The following KBTBD12 variants were observed in gnomAD, a reference collection of about 807,000 sequenced individuals.
KBTBD12 encodes the protein kelch repeat and BTB domain-containing protein 12.
A neutral mutation model predicts 58.7 loss-of-function variants in KBTBD12; 53 were observed. The ratio of observed to expected loss-of-function variants is 0.90; its 90% CI spans 0.72 to 1.14. The LOEUF (loss-of-function observed/expected upper bound fraction) is 1.14. Ranked by LOEUF, KBTBD12 falls within the 50% of genes most tolerant of loss-of-function variation. The probability of loss-of-function intolerance (pLI) is 0.00; values close to 1 mark genes in which losing one functional copy is unlikely to be tolerated. For synonymous variants in KBTBD12, 236 were observed against 259.8 expected (o/e 0.91, Z 0.88); for missense variants, 704 against 751.3 (o/e 0.94, Z 0.74).
At chr3:127,970,127 A>G (rs1169765263) in intron 5 of KBTBD12, among the ~76,000 whole-genome samples, 3 of 152,206 alleles carry the variant, frequency 2.0e-5, no homozygotes, top group East Asian at 1.9e-4. Flanking sequence ...TTTTTAATGG[A>G]CAAAGGAACA....
chr3:127,929,156 A>G (rs774982747), intron 3 of KBTBD12, among the ~76,000 whole-genome samples: 76 of 152,198 alleles, frequency 5.0e-4, no homozygotes, highest in Admixed American at 9.8e-4. Context: ...CATAAAGTCA[A>G]CGTTTGTTAA....
intron 4 of KBTBD12, among the ~76,000 whole-genome samples, chr3:127,957,771 G>A (rs1047664131): frequency 6.6e-6 from 1 of 152,184 alleles, no homozygotes; most frequent in Non-Finnish European, 1.5e-5. Flanking sequence ...AAGTGTTGGG[G>A]ATACAGATGT....
chr3:127,966,943 A>T (rs1009168720), intron 5 of KBTBD12, among the ~76,000 whole-genome samples: 1 of 152,244 alleles, frequency 6.6e-6, no homozygotes, highest in Non-Finnish European at 1.5e-5. Flanking sequence ...AAACGAAGCA[A>T]ATGCTATCTA....
chr3:127,963,568 G>A (rs1940496792), intron 5 of KBTBD12, 182 bp downstream of exon 5: 3 of 575,662 alleles, frequency 5.2e-6, no homozygotes, highest in Non-Finnish European at 6.0e-6. Context: ...AAGTGAAGCT[G>A]GCACATCCAT....
chr3:127,971,026 T>C (rs1940673447), intron 5 of KBTBD12, among the ~76,000 whole-genome samples: 1 of 152,174 alleles, frequency 6.6e-6, no homozygotes, highest in South Asian at 2.1e-4. Context: ...GCTTGGTGTT[T>C]GACACTAATG....
intron 4 of KBTBD12, among the ~76,000 whole-genome samples, chr3:127,937,257 T>C (rs1327346812): frequency 6.6e-6 from 1 of 152,118 alleles, no homozygotes. Flanking sequence ...ACAAATAGTG[T>C]GCTTACTCCG....
intron 4 of KBTBD12, among the ~76,000 whole-genome samples, chr3:127,935,385 T>C (rs1428019352): frequency 6.6e-6 from 1 of 152,174 alleles, no homozygotes; most frequent in African/African-American, 2.4e-5. Context: ...AACTCAGTAT[T>C]AACCTAAAAT....
chr3:127,929,719 T>C (rs1939658135), intron 3 of KBTBD12, among the ~76,000 whole-genome samples: 1 of 152,088 alleles, frequency 6.6e-6, no homozygotes, highest in Non-Finnish European at 1.5e-5. Flanking sequence ...ATAAAGAAAA[T>C]GCCTTCTAAA....
chr3:127,979,468 A>G (rs1174830323), intron 5 of KBTBD12, among the ~76,000 whole-genome samples: 1 of 152,242 alleles, frequency 6.6e-6, no homozygotes, highest in Non-Finnish European at 1.5e-5. Flanking sequence ...GATTTTTTAA[A>G]ACTAAAGCAA....
intron 4 of KBTBD12, among the ~76,000 whole-genome samples, chr3:127,933,750 A>G (rs2107595185): frequency 6.6e-6 from 1 of 152,326 alleles, no homozygotes; most frequent in Non-Finnish European, 1.5e-5. Context: ...GTGTTTGACT[A>G]CAACCACCAG....
intron 4 of KBTBD12, among the ~76,000 whole-genome samples, chr3:127,939,268 G>A (rs577743715): frequency 2.6e-5 from 4 of 152,140 alleles, no homozygotes; most frequent in African/African-American, 4.8e-5. Context: ...CGTTGCTTTC[G>A]TCTTTTCCTT....
chr3:127,964,880 A>G (rs1940532216), intron 5 of KBTBD12, among the ~76,000 whole-genome samples: 1 of 152,228 alleles, frequency 6.6e-6, no homozygotes, highest in Admixed American at 6.5e-5. Context: ...ATTACATGCC[A>G]TGCTTGGGTA....
chr3:127,950,852 T>A (rs1020667871), intron 4 of KBTBD12, among the ~76,000 whole-genome samples: 3 of 151,980 alleles, frequency 2.0e-5, no homozygotes, highest in Non-Finnish European at 4.4e-5. Flanking sequence ...GCCAGCATGG[T>A]GAAACCCTGT....
chr3:127,970,643 T>C (rs1384268817), intron 5 of KBTBD12, among the ~76,000 whole-genome samples: 1 of 152,218 alleles, frequency 6.6e-6, no homozygotes, highest in Non-Finnish European at 1.5e-5. Context: ...ACAACATAGA[T>C]GAACCTTGAA....
intron 3 of KBTBD12, among the ~76,000 whole-genome samples, chr3:127,929,067 A>G (rs539762057): frequency 7.9e-5 from 12 of 152,028 alleles, no homozygotes; most frequent in Non-Finnish European, 1.6e-4. Flanking sequence ...ATAAGCCCCA[A>G]AAACAACTTA....
Position 127,917,396 on chromosome 3 carries a change from T to C in KBTBD12, c.-113+1810T>C, listed in dbSNP as rs1939275403. On this transcript the variant is annotated intron_variant, in intron 1 of 5. Coordinates refer to ENST00000405109, the MANE Select transcript of KBTBD12 (RefSeq NM_207335.4). The stretch of plus-strand genomic sequence containing the variant: ...ATATGGGGGAAGGGGTACAGCCAGG[T>C]GCACCACACTTCGGGAACCCTCCAC... 2.0e-5 allele frequency among the ~76,000 whole-genome samples: 3 copies of C among 152,218 alleles called. No homozygotes were observed. In the South Asian group the frequency reaches 6.2e-4, roughly 32 times the overall value.
chr3:127,919,182 T>C (rs1258369770), intron 1 of KBTBD12, among the ~76,000 whole-genome samples: 1 of 152,170 alleles, frequency 6.6e-6, no homozygotes, highest in East Asian at 1.9e-4. Flanking sequence ...ATCATGATTA[T>C]AAGCTACTCA....
chr3:127,956,174 C>T (rs1303457493), intron 4 of KBTBD12, among the ~76,000 whole-genome samples: 1 of 152,122 alleles, frequency 6.6e-6, no homozygotes, highest in African/African-American at 2.4e-5. Context: ...TCCAGTTAAT[C>T]ATATGAGGGG....
rs1939212352 is a variant in KBTBD12, at chr3:127,915,597, G to A, written c.-113+11G>A. The stretch of plus-strand genomic sequence containing the variant: ...CCAGGCAGCACCTTCGTAAGTAGGG[G>A]TAGCGCCCCGGGGGAACGCGGCCCC... On this transcript the variant is annotated intron_variant, in intron 1 of 5. Transcript: ENST00000405109. 6.6e-6 allele frequency: 1 copy of A among 152,308 alleles called. No homozygotes were observed. Among genetic ancestry groups the A allele is most frequent in the African/African-American group, 2.4e-5 (1 of 41,474 alleles). 9.4% of individuals were successfully genotyped at this position (152,308 alleles called of 1,614,324 possible).
Sources: gnomAD v4.1 joint callset for allele counts (sites outside exome capture counted in the v4.1 genomes callset) on GRCh38, gnomAD v4.1.1 for gene constraint, MANE v1.5 for transcripts, NCBI Gene and HGNC (gene_info 2026-07-23, HGNC 2026-07-21) for gene names.